The following STX8 variants were observed in gnomAD, a reference collection of about 807,000 sequenced individuals.
STX8 encodes syntaxin 8, also known as syntaxin-8.
STX8 carries 23 observed loss-of-function variants against 37.5 expected under a neutral mutation model. The ratio of observed to expected loss-of-function variants is 0.61; its 90% CI spans 0.44 to 0.87. The LOEUF (loss-of-function observed/expected upper bound fraction) is 0.87, where lower values mean the gene tolerates loss of function less well. Ranked by LOEUF, STX8 falls within the 40% of genes least tolerant of loss-of-function variation. The pLI, the probability that STX8 is intolerant of heterozygous loss-of-function variation, is 0.00. For synonymous variants in STX8, 115 were observed against 99.1 expected, an observed-to-expected ratio of 1.16 and a Z score of -0.95; for missense variants, 313 against 284.7, an observed-to-expected ratio of 1.10 and a Z score of -0.71.
At chr17:9,403,266 G>A (rs369536717) in intron 6 of STX8, among the ~76,000 whole-genome samples, 7 of 152,278 alleles carry the variant, frequency 4.6e-5, no homozygotes, top group East Asian at 1.9e-4. Flanking sequence ...TGAAAGTATC[G>A]ATAAAGACAA....
At chr17:9,563,744 A>C (rs1455586783) in intron 2 of STX8, among the ~76,000 whole-genome samples, 2 of 152,168 alleles carry the variant, frequency 1.3e-5, no homozygotes. Context: ...AATTAAATTA[A>C]AAAGTTGGAA....
intron 4 of STX8, among the ~76,000 whole-genome samples, chr17:9,544,189 G>A (rs780308951): frequency 5.3e-5 from 8 of 152,202 alleles, no homozygotes; most frequent in African/African-American, 1.9e-4. Flanking sequence ...CAACCCTAGC[G>A]TGGAAGATGA....
chr17:9,426,922 C>T (rs1191586386), intron 6 of STX8, among the ~76,000 whole-genome samples: 1 of 152,044 alleles, frequency 6.6e-6, no homozygotes, highest in Non-Finnish European at 1.5e-5. Context: ...ACTTATATTA[C>T]CTAGTATTAC....
At chr17:9,377,598 C>T (rs377199818) in intron 7 of STX8, among the ~76,000 whole-genome samples, 96 of 152,342 alleles carry the variant, frequency 6.3e-4, no homozygotes, top group African/African-American at 2.0e-3. Flanking sequence ...GCTGGGACTA[C>T]TACAGGTGTG....
intron 7 of STX8, among the ~76,000 whole-genome samples, chr17:9,351,859 C>T (rs6503193): frequency 0.046 from 7,041 of 151,868 alleles, 385 homozygotes; most frequent in African/African-American, 0.13. Flanking sequence ...TTAATTATAC[C>T]GCATCAAATT....
chr17:9,297,080 C>T (rs750223805), intron 7 of STX8, among the ~76,000 whole-genome samples: 7 of 152,006 alleles, frequency 4.6e-5, no homozygotes, highest in Non-Finnish European at 7.4e-5. Flanking sequence ...TGACATGATG[C>T]TTTGGAAGCA....
chr17:9,409,175 T>C (rs1193322879), intron 6 of STX8, among the ~76,000 whole-genome samples: 1 of 151,564 alleles, frequency 6.6e-6, no homozygotes, highest in Non-Finnish European at 1.5e-5. Context: ...TAACAAGATA[T>C]CACCTATGCC....
intron 4 of STX8, among the ~76,000 whole-genome samples, chr17:9,521,273 CAA>C (rs909851123): frequency 1.2e-4 from 18 of 152,060 alleles, no homozygotes; most frequent in Non-Finnish European, 2.4e-4. Context: ...AGGGAAGTGA[CAA>C]GAGGGAACAG....
intron 7 of STX8, among the ~76,000 whole-genome samples, chr17:9,348,400 AG>A (rs1383935002): frequency 1.4e-5 from 2 of 142,926 alleles, no homozygotes; most frequent in Non-Finnish European, 3.0e-5. Flanking sequence ...CCTGGGCAAC[AG>A]AGCAAGACTC....
intron 7 of STX8, among the ~76,000 whole-genome samples, chr17:9,255,307 A>C (rs1567756124): frequency 6.6e-6 from 1 of 151,396 alleles, no homozygotes; most frequent in Non-Finnish European, 1.5e-5. Context: ...CGGGCGGATC[A>C]TCTGAGGTCA....
intron 6 of STX8, among the ~76,000 whole-genome samples, chr17:9,418,007 G>C (rs1353793663): frequency 1.3e-5 from 2 of 152,292 alleles, no homozygotes; most frequent in Admixed American, 1.3e-4. Flanking sequence ...TCAGTGAGTT[G>C]TTCTAGCAAA....
At chr17:9,508,642 T>C (rs1027355563) in intron 4 of STX8, among the ~76,000 whole-genome samples, 1 of 152,134 alleles carries the variant, frequency 6.6e-6, no homozygotes, top group Non-Finnish European at 1.5e-5. Flanking sequence ...TTTTTGAACT[T>C]GAAGACAGAT....
chr17:9,474,751 T>C, intron 6 of STX8, among the ~76,000 whole-genome samples: 1 of 152,186 alleles, frequency 6.6e-6, no homozygotes, highest in Admixed American at 6.5e-5. Flanking sequence ...AGCGGGCAGA[T>C]CATGAGGTCA....
chr17:9,568,583 C>T (rs981639906), intron 1 of STX8, 113 bp from the exon 2 acceptor site: 4 of 778,374 alleles, frequency 5.1e-6, no homozygotes, highest in African/African-American at 3.5e-5. Flanking sequence ...TCACTGCAAG[C>T]TCTGCCTCCT....
At chr17:9,512,908 A>C (rs1363478027) in intron 4 of STX8, among the ~76,000 whole-genome samples, 1 of 152,166 alleles carries the variant, frequency 6.6e-6, no homozygotes, top group Non-Finnish European at 1.5e-5. Flanking sequence ...TAAATGTAAA[A>C]CCCAAAACCA....
intron 7 of STX8, among the ~76,000 whole-genome samples, chr17:9,271,875 TATC>T (rs1485564258): frequency 2.6e-5 from 4 of 151,696 alleles, no homozygotes; most frequent in African/African-American, 9.7e-5. Flanking sequence ...TACAATAAAA[TATC>T]ATCTGTTACC....
At chr17:9,380,592 A>G (rs1056089527) in intron 6 of STX8, among the ~76,000 whole-genome samples, 5 of 152,056 alleles carry the variant, frequency 3.3e-5, no homozygotes, top group South Asian at 2.1e-4. Flanking sequence ...CATGTGCCAC[A>G]TGACATTTCA....
chr17:9,362,377 T>C (rs936119910), intron 7 of STX8, among the ~76,000 whole-genome samples: 1 of 152,174 alleles, frequency 6.6e-6, no homozygotes. Context: ...TAATGCCAAC[T>C]TGGGAGAAAA....
At chr17:9,414,939 C>T (rs552158144) in intron 6 of STX8, among the ~76,000 whole-genome samples, 74 of 151,992 alleles carry the variant, frequency 4.9e-4, no homozygotes, top group African/African-American at 1.6e-3. Context: ...TACAGGCACC[C>T]GCCACCATGC....
Sources: gnomAD v4.1 joint callset for allele counts (sites outside exome capture counted in the v4.1 genomes callset) on GRCh38, gnomAD v4.1.1 for gene constraint, MANE v1.5 for transcripts, NCBI Gene and HGNC (gene_info 2026-07-23, HGNC 2026-07-21) for gene names.